Variants in KCNB2 observed in about 807,000 individuals in gnomAD.
KCNB2 encodes delayed rectifier potassium channel protein.
Under a neutral mutation model 61.5 loss-of-function variants are expected in KCNB2, and 15 were observed. That is an observed-to-expected ratio of 0.24 (90% confidence interval 0.16 to 0.38). The LOEUF (loss-of-function observed/expected upper bound fraction) is 0.38. KCNB2 is among the 10% of genes least tolerant of loss of function. The pLI is 1.00. For missense variants in KCNB2, 828 were observed against 1,125.2 expected (o/e 0.74, Z 3.78); for synonymous variants, 457 against 446.0 (o/e 1.02, Z -0.31).
chr8:72,726,917 A>G (rs967223817), intron 2 of KCNB2, among the ~76,000 whole-genome samples: 1 of 152,176 alleles, frequency 6.6e-6, no homozygotes, highest in Non-Finnish European at 1.5e-5. Context: ...TCCAGCCAGT[A>G]GCCTCTTGAT....
intron 2 of KCNB2, among the ~76,000 whole-genome samples, chr8:72,698,958 G>C (rs1807066149): frequency 6.6e-6 from 1 of 151,976 alleles, no homozygotes; most frequent in Non-Finnish European, 1.5e-5. Context: ...GAATTTATGA[G>C]TAACTCCTTA....
intron 2 of KCNB2, among the ~76,000 whole-genome samples, chr8:72,755,621 G>A (rs1315007591): frequency 6.6e-6 from 1 of 152,160 alleles, no homozygotes; most frequent in Non-Finnish European, 1.5e-5. Context: ...TGCTCATTAG[G>A]GAAATGCAAG....
At chr8:72,886,076 T>G (rs529918779) in intron 2 of KCNB2, among the ~76,000 whole-genome samples, 1 of 152,336 alleles carries the variant, frequency 6.6e-6, no homozygotes, top group Non-Finnish European at 1.5e-5. Flanking sequence ...TCAGAAATAA[T>G]TTTAATTGTT....
At chr8:72,867,144 G>T (rs901687845) in intron 2 of KCNB2, among the ~76,000 whole-genome samples, 5 of 152,172 alleles carry the variant, frequency 3.3e-5, no homozygotes, top group African/African-American at 1.2e-4. Flanking sequence ...TGGGTCAACT[G>T]TCCATCCCTT....
At chr8:72,923,517 C>T (rs1806567921) in intron 2 of KCNB2, among the ~76,000 whole-genome samples, 1 of 152,022 alleles carries the variant, frequency 6.6e-6, no homozygotes, top group Non-Finnish European at 1.5e-5. Flanking sequence ...TCCCTGAATT[C>T]CAAAGGGTGG....
chr8:72,675,235 A>C (rs1361022546), intron 2 of KCNB2, among the ~76,000 whole-genome samples: 2 of 152,206 alleles, frequency 1.3e-5, no homozygotes, highest in African/African-American at 4.8e-5. Flanking sequence ...TTTTTAATCA[A>C]AGCTTTTATG....
intron 2 of KCNB2, among the ~76,000 whole-genome samples, chr8:72,645,442 C>T (rs1473988377): frequency 6.6e-6 from 1 of 152,026 alleles, no homozygotes; most frequent in Non-Finnish European, 1.5e-5. Context: ...ATATCACAGC[C>T]CCAATCCTGC....
At chr8:72,721,577 G>A (rs887235220) in intron 2 of KCNB2, among the ~76,000 whole-genome samples, 2 of 152,198 alleles carry the variant, frequency 1.3e-5, no homozygotes, top group African/African-American at 4.8e-5. Context: ...GGTAACAGTG[G>A]CTCAGTGGTC....
At chr8:72,919,043 T>C (rs980895077) in intron 2 of KCNB2, among the ~76,000 whole-genome samples, 2 of 152,168 alleles carry the variant, frequency 1.3e-5, no homozygotes, top group African/African-American at 4.8e-5. Flanking sequence ...CCACAGGTCT[T>C]TTTCACCATA....
chr8:72,604,843 T>C (rs1313335661), intron 2 of KCNB2, among the ~76,000 whole-genome samples: 2 of 152,330 alleles, frequency 1.3e-5, no homozygotes. Flanking sequence ...TAAAAATGTA[T>C]CTTGCATTAT....
chr8:72,611,844 A>T (rs867626168), intron 2 of KCNB2, among the ~76,000 whole-genome samples: 3 of 148,606 alleles, frequency 2.0e-5, no homozygotes, highest in East Asian at 2.0e-4. Context: ...TAAGAAACCC[A>T]TTTTTTTTTT....
chr8:72,850,081 A>G (rs1563403892), intron 2 of KCNB2, among the ~76,000 whole-genome samples: 2 of 152,174 alleles, frequency 1.3e-5, no homozygotes, highest in Non-Finnish European at 2.9e-5. Context: ...TATTAAACAC[A>G]ATAACAGGAA....
At chr8:72,728,046 C>T (rs1287816993) in intron 2 of KCNB2, among the ~76,000 whole-genome samples, 2 of 152,098 alleles carry the variant, frequency 1.3e-5, no homozygotes, top group African/African-American at 4.8e-5. Flanking sequence ...ATGCAGTCTC[C>T]TTGTTGGGTA....
chr8:72,561,688 C>CT (rs1344549518), intron 1 of KCNB2, among the ~76,000 whole-genome samples: 1 of 30,880 alleles, frequency 3.2e-5, no homozygotes, highest in African/African-American at 1.4e-4. Context: ...CAGGATCTTA[C>CT]TTTTATATAT....
intron 2 of KCNB2, among the ~76,000 whole-genome samples, chr8:72,711,620 T>G (rs2251379): frequency 6.6e-6 from 1 of 152,168 alleles, no homozygotes; most frequent in African/African-American, 2.4e-5. Context: ...ACAAAGATGG[T>G]GCACAGGGTT....
At chr8:72,541,277 GTTA>G (rs1806184383) in intron 1 of KCNB2, among the ~76,000 whole-genome samples, 1 of 151,822 alleles carries the variant, frequency 6.6e-6, no homozygotes, top group African/African-American at 2.4e-5. Context: ...ATAAAATAAA[GTTA>G]TTATTATAGC....
chr8:72,688,544 G>T (rs908896172), intron 2 of KCNB2, among the ~76,000 whole-genome samples: 1 of 152,010 alleles, frequency 6.6e-6, no homozygotes, highest in Admixed American at 6.6e-5. Context: ...GTGTTTGTCT[G>T]TCTCCCCACT....
At chr8:72,860,151 G>T (rs745967670) in intron 2 of KCNB2, among the ~76,000 whole-genome samples, 1 of 152,022 alleles carries the variant, frequency 6.6e-6, no homozygotes, top group African/African-American at 2.4e-5. Context: ...CAACATTTAC[G>T]TACAAGTTTT....
chr8:72,550,490 C>T (rs1319910185), intron 1 of KCNB2, among the ~76,000 whole-genome samples: 1 of 152,124 alleles, frequency 6.6e-6, no homozygotes, highest in Non-Finnish European at 1.5e-5. Flanking sequence ...TGCCCCAGGT[C>T]CAAACAATTG....
Sources: gnomAD v4.1 joint callset for allele counts (sites outside exome capture counted in the v4.1 genomes callset) on GRCh38, gnomAD v4.1.1 for gene constraint, MANE v1.5 for transcripts, NCBI Gene and HGNC (gene_info 2026-07-23, HGNC 2026-07-21) for gene names.